Variants in TAFA1 observed in about 807,000 individuals in gnomAD.
TAFA1 encodes TAFA chemokine like family member 1.
In TAFA1, 4 loss-of-function variants were observed where a neutral mutation model predicts 18.5. The ratio of observed to expected loss-of-function variants is 0.22; its 90% CI spans 0.11 to 0.49. The LOEUF (loss-of-function observed/expected upper bound fraction) is 0.49, where lower values mean the gene tolerates loss of function less well. TAFA1 is among the 20% of genes least tolerant of loss of function. The pLI is 0.98. For synonymous variants in TAFA1, 56 were observed against 55.2 expected (o/e 1.01, Z -0.06); for missense variants, 147 against 169.0 (o/e 0.87, Z 0.72).
rs754727570 is a variant in TAFA1, at chr3:68,493,814, C to A, written c.260-44942C>A. On this transcript the variant is annotated intron_variant, in intron 3 of 4. Transcript: ENST00000478136. ...AAACATTACTTTTATAAGTTTATGA[C>A]GTTTTCCTGCCCCATTCCCTGGAGG... Among the ~76,000 whole-genome samples the A allele has an allele frequency of 9.2e-5, 14 of 152,128 alleles. 1 individual carries two copies. The highest frequency in any genetic ancestry group is 6.5e-4 in the Admixed American group (10 of 15,276).
At chr3:68,127,693 A>ATGG (rs1160941036) in intron 2 of TAFA1, among the ~76,000 whole-genome samples, 1 of 122,012 alleles carries the variant, frequency 8.2e-6, no homozygotes, top group Non-Finnish European at 1.7e-5. Context: ...TGGTGTGATG[A>ATGG]TGGTGGTGGT....
At chr3:68,540,421 A>G (rs554818975) in intron 4 of TAFA1, among the ~76,000 whole-genome samples, 1 of 152,268 alleles carries the variant, frequency 6.6e-6, no homozygotes, top group South Asian at 2.1e-4. Context: ...AGACCATTTT[A>G]ATTAACTAGT....
At chr3:68,119,174 T>C (rs1425033549) in intron 2 of TAFA1, among the ~76,000 whole-genome samples, 1 of 152,112 alleles carries the variant, frequency 6.6e-6, no homozygotes. Context: ...TTTGTATATC[T>C]TCTTTGGAGA....
At chr3:68,459,673 C>G (rs183971375) in intron 3 of TAFA1, among the ~76,000 whole-genome samples, 2 of 152,144 alleles carry the variant, frequency 1.3e-5, no homozygotes, top group Non-Finnish European at 2.9e-5. Context: ...ATCTTTGAAA[C>G]GAATGATAAA....
At chr3:68,216,033 T>A (rs1234495468) in intron 2 of TAFA1, among the ~76,000 whole-genome samples, 1 of 152,030 alleles carries the variant, frequency 6.6e-6, no homozygotes, top group Non-Finnish European at 1.5e-5. Flanking sequence ...CTTAAATGCA[T>A]GTTACTAAGT....
intron 2 of TAFA1, among the ~76,000 whole-genome samples, chr3:68,297,146 G>A (rs549024171): frequency 6.6e-6 from 1 of 152,294 alleles, no homozygotes; most frequent in South Asian, 2.1e-4. Context: ...AACACAAGAT[G>A]ACGCTGAAGG....
intron 4 of TAFA1, among the ~76,000 whole-genome samples, chr3:68,542,373 C>A (rs746091586): frequency 1.3e-5 from 2 of 152,004 alleles, no homozygotes; most frequent in African/African-American, 2.4e-5. Flanking sequence ...ACTAACCAAC[C>A]AAAATATTGA....
At chr3:68,404,487 G>A (rs180991949) in intron 2 of TAFA1, among the ~76,000 whole-genome samples, 1 of 152,006 alleles carries the variant, frequency 6.6e-6, no homozygotes, top group Non-Finnish European at 1.5e-5. Flanking sequence ...GTTGTGGGCA[G>A]TTCTCCTATA....
At chr3:68,012,828 C>T (rs1351339815) in intron 2 of TAFA1, among the ~76,000 whole-genome samples, 1 of 151,980 alleles carries the variant, frequency 6.6e-6, no homozygotes, top group Non-Finnish European at 1.5e-5. Context: ...GGTCTTAATC[C>T]AGTAAAATGT....
chr3:68,024,805 G>GCACACACACACGCACACACACT (rs1553546125), intron 2 of TAFA1, among the ~76,000 whole-genome samples: 2 of 73,582 alleles, frequency 2.7e-5, no homozygotes, highest in African/African-American at 9.9e-5. Flanking sequence ...TCTCCTTAAT[G>GCACACACACACGCACACACACT]CACACACACA....
intron 2 of TAFA1, among the ~76,000 whole-genome samples, chr3:68,376,992 G>C (rs1035901221): frequency 2.6e-5 from 4 of 152,184 alleles, no homozygotes; most frequent in African/African-American, 9.6e-5. Context: ...AAAGGTCCTT[G>C]GTTCCTCTTT....
intron 3 of TAFA1, among the ~76,000 whole-genome samples, chr3:68,426,867 G>T (rs551909773): frequency 6.6e-6 from 1 of 151,518 alleles, no homozygotes; most frequent in Non-Finnish European, 1.5e-5. Flanking sequence ...CATGACTGTG[G>T]GTATCATCTA....
At chr3:68,063,986 A>G (rs377602801) in intron 2 of TAFA1, among the ~76,000 whole-genome samples, 1 of 152,320 alleles carries the variant, frequency 6.6e-6, no homozygotes, top group South Asian at 2.1e-4. Context: ...TACCTTTCCA[A>G]TGTGAGTTTC....
intron 2 of TAFA1, among the ~76,000 whole-genome samples, chr3:68,394,438 TA>T (rs1490554043): frequency 6.6e-6 from 1 of 151,876 alleles, no homozygotes; most frequent in Non-Finnish European, 1.5e-5. Flanking sequence ...CTTCACAGAA[TA>T]AGAAAAAAAA....
chr3:68,261,643 A>G (rs180843985), intron 2 of TAFA1, among the ~76,000 whole-genome samples: 71 of 152,292 alleles, frequency 4.7e-4, no homozygotes, highest in Non-Finnish European at 7.4e-4. Flanking sequence ...GGAGACCATC[A>G]TTCTCAGCAA....
rs193285038 is a variant in TAFA1 at position 68,242,353 on chromosome 3, T to C, written c.119-174927T>C. On this transcript the variant is annotated intron_variant, in intron 2 of 4. Transcript: ENST00000478136. Reference sequence around the variant, plus strand: ...TTTGCTCTGTTTAAATAAATATTCGTAGACTTTTCTTTGCACAGTCTAAAC... The same window carrying C: ...TTTGCTCTGTTTAAATAAATATTCGCAGACTTTTCTTTGCACAGTCTAAAC... 1.4e-3 allele frequency among the ~76,000 whole-genome samples: 212 copies of C among 152,328 alleles called. 1 individual carries two copies. The highest frequency in any genetic ancestry group is 4.7e-3 in the African/African-American group (197 of 41,580).
intron 2 of TAFA1, among the ~76,000 whole-genome samples, chr3:68,115,652 C>T (rs1011340014): frequency 2.6e-5 from 4 of 152,138 alleles, no homozygotes; most frequent in Non-Finnish European, 5.9e-5. Context: ...TCAGTCATGC[C>T]GGAGGCGTGG....
chr3:68,078,522 G>C lies in TAFA1; in HGVS notation c.118+71778G>C, dbSNP rs11720048. Reference sequence around the variant, plus strand: ...TTTATTGAGAGTTTTTAGCATGAAGGGTTGTTGAATTTTGTCAGAGGCCTT... The same window carrying C: ...TTTATTGAGAGTTTTTAGCATGAAGCGTTGTTGAATTTTGTCAGAGGCCTT... On this transcript the variant is annotated intron_variant, in intron 2 of 4. Coordinates refer to ENST00000478136, the MANE Select transcript of TAFA1 (RefSeq NM_213609.4). Among the ~76,000 whole-genome samples the C allele has an allele frequency of 5.3e-3, 803 of 152,106 alleles. 6 individuals carry two copies. Among genetic ancestry groups the C allele is most frequent in the South Asian group, 0.016 (78 of 4,798 alleles).
intron 2 of TAFA1, among the ~76,000 whole-genome samples, chr3:68,289,393 C>T (rs2068071148): frequency 1.4e-5 from 2 of 144,908 alleles, no homozygotes; most frequent in Non-Finnish European, 3.1e-5. Context: ...ATCCCAAGGT[C>T]ATAAAGATAG....
Sources: allele counts gnomAD v4.1 joint callset (sites outside exome capture counted in the v4.1 genomes callset), GRCh38; gene constraint gnomAD v4.1.1; transcripts MANE v1.5; gene names NCBI Gene and HGNC (gene_info 2026-07-23, HGNC 2026-07-21).